The following TCOF1 variants were observed in gnomAD, a reference collection of about 807,000 sequenced individuals.
TCOF1 encodes the protein treacle ribosome biogenesis factor 1, also known as treacle protein.
TCOF1 carries 33 observed loss-of-function variants against 149.0 expected under a neutral mutation model. The ratio of observed to expected loss-of-function variants is 0.22; its 90% confidence interval spans 0.17 to 0.30. TCOF1 has a LOEUF of 0.30. Ranked by LOEUF, TCOF1 falls within the 10% of genes least tolerant of loss-of-function variation. The pLI is 1.00. For synonymous variants in TCOF1, 789 were observed against 738.8 expected, an observed-to-expected ratio of 1.07 and a Z score of -1.10; for missense variants, 1,728 against 1,840.7, an observed-to-expected ratio of 0.94 and a Z score of 1.12.
At chr5:150,395,743 C>T (rs1248645414) in intron 23 of TCOF1, among the ~76,000 whole-genome samples, 1 of 152,130 alleles carries the variant, frequency 6.6e-6, no homozygotes, top group East Asian at 1.9e-4. Context: ...GGGTAATCAT[C>T]AGTTGAATGT....
At position 150,379,711 on chromosome 5, in the gene TCOF1, G is replaced by A. The variant is rs759472865; in HGVS notation, c.2838G>A (p.Pro946=). The change falls in exon 17 of 27, where the codon CCG becomes CCA. Residue 946 remains proline (P), a synonymous_variant. Transcript: ENST00000643257. The stretch of plus-strand genomic sequence containing the variant: ...AATCAGACAGTGATGGGGAGGCACC[G>A]GCAGCTGTGACCTCTGCCCAGGTAA... ...SEESDSDGEA[P]AAVTSAQVIK... 33 of 1,614,008 alleles carry A rather than the reference G, an allele frequency of 2.0e-5. No individual in the cohort carries two copies. The highest frequency in any genetic ancestry group is 2.7e-5 in the Non-Finnish European group (32 of 1,180,028).
rs951913440 is a variant in TCOF1, at chr5:150,386,161, C to T, written c.2860-1741C>T. Among the ~76,000 whole-genome samples, 3 of 152,352 alleles carry T rather than the reference C, an allele frequency of 2.0e-5. No homozygotes were observed. In the East Asian group the frequency reaches 5.8e-4, roughly 29 times the overall value. On this transcript the variant is annotated intron_variant, in intron 17 of 26. Transcript: ENST00000643257. ...GCCCCAACCCCCCACAGCCAAGCCC[C>T]CTGCACCACCTCCCTCCTACGGCCC...
intron 17 of TCOF1, chr5:150,383,607 C>G: frequency 1.0e-6 from 1 of 978,754 alleles, no homozygotes. Context: ...GAGTGTTGCC[C>G]CATTTGACAG....
intron 14 of TCOF1, 189 bp from the exon 15 acceptor site, chr5:150,378,716 T>G: frequency 1.4e-6 from 1 of 719,800 alleles, no homozygotes; most frequent in East Asian, 2.5e-5. Flanking sequence ...TGGGCCTTAT[T>G]ATTATCTCCA....
chr5:150,393,339 G>A (rs760784888), intron 22 of TCOF1, 33 bp from the exon 23 acceptor site: 6 of 1,613,384 alleles, frequency 3.7e-6, no homozygotes, highest in Middle Eastern at 1.7e-4. Context: ...GGGGTGGGGT[G>A]GTGGCAGCCT....
rs965575856 is a variant in TCOF1, at chr5:150,378,947, G to A, written c.2383G>A (p.Ala795Thr). ...VKKTQAKANP[A>T]AARAPSAKGT... is the part of the protein sequence containing the mutation. ...GAAAACCCAGGCCAAAGCCAACCCA[G>A]CTGCCGCCAGAGCACCTTCAGCAAA... Residue 795 changes from alanine (A) to threonine (T), a missense_variant, in exon 15 of 27, where the codon GCT becomes ACT. This residue lies in a region of TCOF1 where 1,696 missense variants were observed against 1,765.4 expected (regional missense o/e 0.96). Transcript: ENST00000643257. The A allele has an allele frequency of 6.2e-7, 1 of 1,614,106 alleles. No homozygotes were observed. The highest frequency in any genetic ancestry group is 8.5e-7 in the Non-Finnish European group (1 of 1,180,018).
rs781725387 is a variant in TCOF1 at position 150,357,869 on chromosome 5, G to A, written c.108+15G>A. 3 of 1,548,160 alleles carry A rather than the reference G, an allele frequency of 1.9e-6. No individual in the cohort carries two copies. Among genetic ancestry groups the A allele is most frequent in the Non-Finnish European group, 2.6e-6 (3 of 1,146,076 alleles). ...AGAGCGGCCAGGTAAGCGTTCGTGG[G>A]CCGTGTGCGAGGGCCGCGTGCAAGA... On this transcript the variant is annotated intron_variant, in intron 1 of 26. Coordinates refer to ENST00000643257, the MANE Select transcript of TCOF1 (RefSeq NM_001371623.1).
chr5:150,379,503 C>G (rs1340354813), intron 16 of TCOF1, 29 bp from the exon 17 acceptor site: 17 of 1,379,450 alleles, frequency 1.2e-5, no homozygotes, highest in Non-Finnish European at 1.5e-5. Flanking sequence ...CCTCCAGGCT[C>G]TCTCCTCTCA....
At chr5:150,373,395 A>G (rs1762976042) in intron 7 of TCOF1, among the ~76,000 whole-genome samples, 1 of 152,230 alleles carries the variant, frequency 6.6e-6, no homozygotes, top group Non-Finnish European at 1.5e-5. Context: ...TCAAAAATTT[A>G]AAAAGGAGCT....
At position 150,391,976 on chromosome 5, in the gene TCOF1, C is replaced by T; in HGVS notation, c.3317C>T (p.Thr1106Ile). ...AATTAGGTTGACAGTGCTGTGGGAA[C>T]ACTCCCTGCAACAAGTCCCCAGAGC... is the stretch of plus-strand genomic sequence containing the variant. ...PSSGVDSAVG[T>I]LPATSPQSTS... is the part of the protein sequence containing the mutation. Residue 1106 changes from threonine to isoleucine, a missense_variant, in exon 21 of 27, where the codon ACA (threonine) becomes ATA (isoleucine). Physicochemically the swap from Thr to Ile is moderately conservative, Grantham distance 89. Around this residue, in one of 2 missense-constraint regions of TCOF1, gnomAD observed 1,696 missense variants for 1,765.4 expected, o/e 0.96. Coordinates refer to ENST00000643257, the MANE Select transcript of TCOF1 (RefSeq NM_001371623.1). 5.0e-6 allele frequency: 8 copies of T among 1,614,202 alleles called. No individual in the cohort carries two copies. Among genetic ancestry groups the T allele is most frequent in the Non-Finnish European group, 6.8e-6 (8 of 1,180,032 alleles).
chr5:150,382,034 A>G (rs552173995), intron 17 of TCOF1, among the ~76,000 whole-genome samples: 86 of 152,324 alleles, frequency 5.6e-4, no homozygotes, highest in African/African-American at 1.9e-3. Flanking sequence ...CATCTCTACT[A>G]AAAATACAAA....
intron 23 of TCOF1, chr5:150,394,368 G>C (rs1009704930): frequency 2.6e-5 from 4 of 152,606 alleles, no homozygotes; most frequent in African/African-American, 9.7e-5. Flanking sequence ...GAAATCCCCT[G>C]GCCACTCTGG....
In TCOF1 at chr5:150,400,243, GTTTT is replaced by G. The variant is rs533518443; in HGVS notation, c.*463_*466del. 2.8e-5 allele frequency: 4 copies of G among 144,726 alleles called. No homozygotes were observed. Among genetic ancestry groups the G allele is most frequent in the African/African-American group, 1.0e-4 (4 of 39,288 alleles). The allele number at this position is 144,726 out of a possible 1,614,324, so 9.0% of individuals were successfully genotyped here. A position where few individuals can be genotyped will look rare whatever the true frequency, so the allele number is the denominator to read the frequency against. On this transcript the variant is annotated 3_prime_UTR_variant, in exon 27 of 27. Transcript: ENST00000643257. ...GTCAGTTCTTTTGGTTGTGTTTTTT[GTTTT>G]TTTTTTAATAACTCAAAAAAAAAAT...
chr5:150,376,890 G>C (rs1013850091), intron 14 of TCOF1, among the ~76,000 whole-genome samples: 5 of 152,228 alleles, frequency 3.3e-5, no homozygotes, highest in African/African-American at 9.6e-5. Context: ...GCCAGGTGCT[G>C]CCCTTGTCTG....
chr5:150,392,626 G>GGGCCTTCCTGAAGGGCTCT, intron 21 of TCOF1, 79 bp from the exon 22 acceptor site: 1 of 1,442,348 alleles, frequency 6.9e-7, no homozygotes, highest in Non-Finnish European at 9.6e-7. Flanking sequence ...AGAGAGACCA[G>GGGCCTTCCTGAAGGGCTCT]GGCCTTCCTG....
chr5:150,391,410 C>T, intron 19 of TCOF1, 134 bp from the exon 20 acceptor site: 1 of 783,312 alleles, frequency 1.3e-6, no homozygotes, highest in Admixed American at 1.8e-5. Flanking sequence ...AGCCTGCCAC[C>T]AGTTTTGCCC....
chr5:150,380,066 G>A, intron 17 of TCOF1: 1 of 178,988 alleles, frequency 5.6e-6, no homozygotes, highest in Non-Finnish European at 1.1e-5. Context: ...GAGTGAGACT[G>A]TCTCAAAAAA....
intron 17 of TCOF1, chr5:150,380,070 C>CAAAA (rs1224924833): frequency 2.0e-4 from 20 of 98,566 alleles, no homozygotes; most frequent in African/African-American, 6.4e-4. Context: ...GAGACTGTCT[C>CAAAA]AAAAAAAAAA....
chr5:150,380,984 A>C (rs1765034087), intron 17 of TCOF1: 1 of 152,172 alleles, frequency 6.6e-6, no homozygotes, highest in South Asian at 2.1e-4. Context: ...TTTGCACTCC[A>C]GTCTGGGCAA....
Sources: allele counts gnomAD v4.1 joint callset (sites outside exome capture counted in the v4.1 genomes callset), GRCh38; gene constraint gnomAD v4.1.1; regional missense constraint gnomAD v4.1.1; transcripts MANE v1.5; gene names NCBI Gene and HGNC (gene_info 2026-07-23, HGNC 2026-07-21).